Variants in HDAC8 observed in about 807,000 individuals in gnomAD.
HDAC8 encodes the protein histone deacetylase-like 1.
HDAC8 carries 1 observed loss-of-function variant against 32.2 expected under a neutral mutation model. The observed-to-expected ratio is 0.03, with a 90% CI of 0.01 to 0.15. The LOEUF (loss-of-function observed/expected upper bound fraction) is 0.15, where lower values mean the gene tolerates loss of function less well. Ranked by LOEUF, HDAC8 falls within the 10% of genes least tolerant of loss-of-function variation. The pLI, the probability that HDAC8 is intolerant of heterozygous loss-of-function variation, is 1.00. For synonymous variants in HDAC8, 108 were observed against 113.9 expected (o/e 0.95, Z 0.33); for missense variants, 117 against 300.0 (o/e 0.39, Z 4.51).
intron 9 of HDAC8, chrX:72,377,270 A>G (rs2045110303): frequency 8.9e-6 from 1 of 112,237 alleles, no homozygotes; most frequent in African/African-American, 3.2e-5. Context: ...TTCTAATTTC[A>G]TTCCTTTCCA....
intron 4 of HDAC8, among the ~76,000 whole-genome samples, chrX:72,521,824 C>T (rs1434778480): frequency 1.8e-5 from 2 of 110,937 alleles, no homozygotes; most frequent in African/African-American, 6.6e-5. Flanking sequence ...CCAAATCCAA[C>T]AGACCCATTC....
intron 7 of HDAC8, chrX:72,474,079 C>A (rs2048260689): frequency 2.8e-6 from 2 of 727,251 alleles, no homozygotes; most frequent in Non-Finnish European, 3.3e-6. Flanking sequence ...CAAACTTGAC[C>A]CAGATTTTAT....
chrX:72,373,851 A>G (rs1400565463), intron 9 of HDAC8, among the ~76,000 whole-genome samples: 8 of 112,138 alleles, frequency 7.1e-5, no homozygotes, highest in African/African-American at 1.9e-4. Context: ...ATTGTTGCCA[A>G]CATTTGCTAT....
intron 9 of HDAC8, among the ~76,000 whole-genome samples, chrX:72,451,816 T>C (rs1443563479): frequency 4.5e-5 from 5 of 112,280 alleles, no homozygotes; most frequent in Non-Finnish European, 7.5e-5. Context: ...CAATAAACAG[T>C]ACAAGATACT....
intron 2 of HDAC8, among the ~76,000 whole-genome samples, 161 bp from the exon 3 acceptor site, chrX:72,569,045 C>T (rs1369093317): frequency 4.5e-5 from 5 of 112,195 alleles, no homozygotes; most frequent in African/African-American, 1.3e-4. Flanking sequence ...CTGCACTGTG[C>T]GGTCTTCACT....
At chrX:72,502,408 A>G (rs191765566) in intron 4 of HDAC8, among the ~76,000 whole-genome samples, 42 of 111,930 alleles carry the variant, frequency 3.8e-4, no homozygotes, top group African/African-American at 1.3e-3. Context: ...TGGGAACTAA[A>G]TGATGAGAAC....
At chrX:72,343,216 C>A (rs916644574) in intron 10 of HDAC8, among the ~76,000 whole-genome samples, 20 of 109,436 alleles carry the variant, frequency 1.8e-4, no homozygotes, top group African/African-American at 6.0e-4. Flanking sequence ...ATTGCCCAAG[C>A]TGGAGTGCAG....
At chrX:72,437,932 G>T (rs1157722506) in intron 9 of HDAC8, among the ~76,000 whole-genome samples, 3 of 112,217 alleles carry the variant, frequency 2.7e-5, no homozygotes, top group Non-Finnish European at 3.8e-5. Flanking sequence ...AGACTTAAAC[G>T]TTCCTGCCTG....
chrX:72,508,531 A>G (rs1348925346), intron 4 of HDAC8, among the ~76,000 whole-genome samples: 1 of 112,631 alleles, frequency 8.9e-6, no homozygotes, highest in Non-Finnish European at 1.9e-5. Flanking sequence ...TGTCCCCTCC[A>G]AAACTCGTGT....
intron 9 of HDAC8, among the ~76,000 whole-genome samples, chrX:72,394,879 T>A (rs1195074815): frequency 1.8e-5 from 2 of 111,612 alleles, no homozygotes; most frequent in East Asian, 5.6e-4. Flanking sequence ...CTCTTGTCCT[T>A]GATTATTTTC....
intron 5 of HDAC8, among the ~76,000 whole-genome samples, chrX:72,493,563 T>C (rs1248040001): frequency 1.8e-5 from 2 of 111,829 alleles, no homozygotes; most frequent in Non-Finnish European, 3.8e-5. Flanking sequence ...AGTGGCTAAA[T>C]AGTAAACATT....
chrX:72,491,028 A>G, intron 5 of HDAC8, 22 bp from the exon 6 acceptor site: 1 of 1,077,940 alleles, frequency 9.3e-7, no homozygotes, highest in Non-Finnish European at 1.3e-6. Flanking sequence ...AGAAACATCA[A>G]AAGAATCACT....
intron 4 of HDAC8, among the ~76,000 whole-genome samples, chrX:72,519,857 C>T (rs896247013): frequency 1.8e-5 from 2 of 111,906 alleles, no homozygotes; most frequent in Admixed American, 9.5e-5. Context: ...CCCAAAGTGC[C>T]GGAATATACA....
chrX:72,472,391 T>TA (rs2048212830), intron 7 of HDAC8, among the ~76,000 whole-genome samples: 1 of 112,185 alleles, frequency 8.9e-6, no homozygotes, highest in Admixed American at 9.4e-5. Flanking sequence ...TGTATATTGA[T>TA]ACATCCAGTT....
At chrX:72,338,904 T>G (rs2147696408) in intron 10 of HDAC8, among the ~76,000 whole-genome samples, 1 of 107,725 alleles carries the variant, frequency 9.3e-6, no homozygotes, top group South Asian at 4.0e-4. Flanking sequence ...AAAAAGAAAT[T>G]TTAAAAAATA....
At chrX:72,438,461 G>A (rs1555980229) in intron 9 of HDAC8, among the ~76,000 whole-genome samples, 1 of 111,370 alleles carries the variant, frequency 9.0e-6, no homozygotes, top group East Asian at 2.8e-4. Flanking sequence ...ACAAGAATGA[G>A]TTTGATGAAT....
chrX:72,396,853 A>AAC (rs782360153), intron 9 of HDAC8, among the ~76,000 whole-genome samples: 2 of 111,258 alleles, frequency 1.8e-5, no homozygotes, highest in African/African-American at 6.6e-5. Flanking sequence ...ACAACAACAA[A>AAC]AACAACAACA....
chrX:72,455,387 T>C (rs182637602), intron 9 of HDAC8, among the ~76,000 whole-genome samples: 50 of 111,892 alleles, frequency 4.5e-4, no homozygotes, highest in Middle Eastern at 4.6e-3. Flanking sequence ...TTCTGTGTGA[T>C]GAAATTGGAG....
At chrX:72,397,989 G>A (rs1035406282) in intron 9 of HDAC8, among the ~76,000 whole-genome samples, 1 of 111,987 alleles carries the variant, frequency 8.9e-6, no homozygotes, top group Non-Finnish European at 1.9e-5. Flanking sequence ...TTAATGAGTT[G>A]TAAAGTATAC....
Sources: gnomAD v4.1 joint callset for allele counts (sites outside exome capture counted in the v4.1 genomes callset) on GRCh38, gnomAD v4.1.1 for gene constraint, MANE v1.5 for transcripts, NCBI Gene and HGNC (gene_info 2026-07-23, HGNC 2026-07-21) for gene names.